The following TMEM132E variants were observed in gnomAD, a reference collection of about 807,000 sequenced individuals.
TMEM132E encodes transmembrane protein 132E.
In TMEM132E, 49 loss-of-function variants were observed where a neutral mutation model predicts 78.5. That is an observed-to-expected ratio of 0.62 (90% CI 0.50 to 0.79). The LOEUF is 0.79. Ranked by LOEUF, TMEM132E falls within the 30% of genes least tolerant of loss-of-function variation. The probability of loss-of-function intolerance (pLI) is 0.00; values close to 1 mark genes in which losing one functional copy is unlikely to be tolerated. For missense variants in TMEM132E, 1,403 were observed against 1,470.9 expected, an observed-to-expected ratio of 0.95 and a Z score of 0.75; for synonymous variants, 715 against 670.6, an observed-to-expected ratio of 1.07 and a Z score of -1.02.
At chr17:34,616,305 A>G (rs79076597) in intron 1 of TMEM132E, among the ~76,000 whole-genome samples, 9,981 of 152,114 alleles carry the variant, frequency 0.066, 926 homozygotes, top group African/African-American at 0.2. Flanking sequence ...CCAGCCAAGC[A>G]TGGGGGTGGG....
In TMEM132E at chr17:34,632,856, T is replaced by A. The variant is rs1907398227; in HGVS notation, c.1635T>A (p.Asp545Glu). The A allele has an allele frequency of 6.2e-7, 1 of 1,614,188 alleles. No individual in the cohort carries two copies. ...PKLPLHIELS[D>E]ARLSQVKGWR... ...TGCCCTTGCACATTGAGCTCTCAGA[T>A]GCCCGCCTCAGCCAAGTGAAGGGCT... Residue 545 changes from aspartate (D) to glutamate (E), a missense_variant, in exon 6 of 9, where the codon GAT (aspartate) becomes GAA (glutamate). Asp to Glu is a conservative substitution (Grantham distance 45, BLOSUM62 2). Around this residue, in one of 3 missense-constraint regions of TMEM132E, gnomAD observed 888 missense variants for 952.8 expected, o/e 0.93. Transcript: ENST00000631683.
Position 34,616,489 on chromosome 17 carries a change from T to A in TMEM132E, c.68-9638T>A, listed in dbSNP as rs529132187. 1.4e-3 allele frequency among the ~76,000 whole-genome samples: 212 copies of A among 152,314 alleles called. 1 individual carries two copies. The highest frequency in any genetic ancestry group is 1.3e-3 in the African/African-American group (55 of 41,568). ...AGTGATTATGTATTCCCCGGCTACATGTCCTTGCTCTGGGGCTCCTGCTGC... is the reference window on the plus strand; with the variant it reads ...AGTGATTATGTATTCCCCGGCTACAAGTCCTTGCTCTGGGGCTCCTGCTGC... On this transcript the variant is annotated intron_variant, in intron 1 of 8. Coordinates refer to ENST00000631683, the MANE Select transcript of TMEM132E (RefSeq NM_001304438.2).
intron 1 of TMEM132E, among the ~76,000 whole-genome samples, chr17:34,619,874 A>G (rs1906902400): frequency 6.6e-6 from 1 of 152,248 alleles, no homozygotes; most frequent in South Asian, 2.1e-4. Flanking sequence ...GTGTGGATGC[A>G]TGTGCATGTG....
chr17:34,619,844 T>A (rs1291119874), intron 1 of TMEM132E, among the ~76,000 whole-genome samples: 1 of 152,204 alleles, frequency 6.6e-6, no homozygotes, highest in East Asian at 1.9e-4. Flanking sequence ...TGCTAACAGA[T>A]CCCTAAACAC....
rs541654271 is a variant in TMEM132E at position 34,584,361 on chromosome 17, C to T, written c.67+3218C>T. On this transcript the variant is annotated intron_variant, in intron 1 of 8. Transcript: ENST00000631683. ...TTCAAATGTCACCTCCTCCAGGGAG[C>T]CTCCGTAGATTACCCCCTAGCTTCT... Among the ~76,000 whole-genome samples the T allele has an allele frequency of 1.6e-4, 25 of 152,360 alleles. No homozygotes were observed. In the South Asian group the frequency reaches 5.2e-3, roughly 32 times the overall value.
intron 1 of TMEM132E, among the ~76,000 whole-genome samples, chr17:34,623,085 A>G (rs968860756): frequency 5.3e-5 from 8 of 152,172 alleles, no homozygotes; most frequent in Non-Finnish European, 1.2e-4. Flanking sequence ...CTGGGGTAGA[A>G]ATATTTTCTC....
At chr17:34,613,446 A>G (rs1274552095) in intron 1 of TMEM132E, among the ~76,000 whole-genome samples, 1 of 131,014 alleles carries the variant, frequency 7.6e-6, no homozygotes, top group Non-Finnish European at 1.6e-5. Context: ...AGGTTTGTTC[A>G]GGTTCCCTCC....
intron 1 of TMEM132E, chr17:34,614,727 C>G (rs1906720090): frequency 6.6e-6 from 1 of 152,454 alleles, no homozygotes; most frequent in Non-Finnish European, 1.5e-5. Flanking sequence ...CTCCAAACTC[C>G]AAGCCCCTCT....
intron 1 of TMEM132E, among the ~76,000 whole-genome samples, chr17:34,585,793 G>A (rs979878521): frequency 6.6e-6 from 1 of 152,226 alleles, no homozygotes; most frequent in Non-Finnish European, 1.5e-5. Flanking sequence ...TGCTATGAAA[G>A]AAATGTGAGG....
intron 1 of TMEM132E, among the ~76,000 whole-genome samples, chr17:34,605,059 G>C (rs1488982971): frequency 6.6e-6 from 1 of 152,182 alleles, no homozygotes; most frequent in Non-Finnish European, 1.5e-5. Context: ...AGAATCACTG[G>C]GTGATCCTGG....
At chr17:34,620,154 C>A (rs1018807335) in intron 1 of TMEM132E, among the ~76,000 whole-genome samples, 2 of 152,158 alleles carry the variant, frequency 1.3e-5, no homozygotes, top group Admixed American at 1.3e-4. Flanking sequence ...TTTATGTGCC[C>A]AATAAGGTAG....
Position 34,580,067 on chromosome 17 carries a change from C to G in TMEM132E, c.-1010C>G, listed in dbSNP as rs935567018. 1 of 152,592 alleles carries G rather than the reference C, an allele frequency of 6.6e-6. No individual in the cohort carries two copies. The highest frequency in any genetic ancestry group is 1.5e-5 in the Non-Finnish European group (1 of 68,356). 9.5% of individuals were successfully genotyped at this position (152,592 alleles called of 1,614,324 possible). A position where few individuals can be genotyped will look rare whatever the true frequency, so the allele number is the denominator to read the frequency against. ...CGAGGAGCGAGGCGGGGCAGCGCGCCTCTCTGCCGAGACAGCGAGACCTTA... is the reference window on the plus strand; with the variant it reads ...CGAGGAGCGAGGCGGGGCAGCGCGCGTCTCTGCCGAGACAGCGAGACCTTA... On this transcript the variant is annotated 5_prime_UTR_variant, in exon 1 of 9. Coordinates refer to ENST00000631683, the MANE Select transcript of TMEM132E (RefSeq NM_001304438.2).
rs376714451 is a variant in TMEM132E, at chr17:34,626,818, G to A, written c.759G>A (p.Gly253=). The A allele has an allele frequency of 2.9e-4, 450 of 1,539,774 alleles. 3 individuals are homozygous for A. In the South Asian group the frequency reaches 5.0e-3, roughly 17 times the overall value. ...GCGGGGGCTCCCGCCGGGGGGCCGG[G>A]CCCGGGGTGGGGGCCCGAGCGGAAA... ...GGCGGSRRGA[G]PGVGARAESP... is the part of the protein sequence containing the mutation. The change falls in exon 2 of 9, where the codon GGG becomes GGA. Residue 253 remains glycine (G), a synonymous_variant. Coordinates refer to ENST00000631683, the MANE Select transcript of TMEM132E (RefSeq NM_001304438.2).
At chr17:34,603,191 ACC>A (rs1906295018) in intron 1 of TMEM132E, among the ~76,000 whole-genome samples, 1 of 151,964 alleles carries the variant, frequency 6.6e-6, no homozygotes, top group African/African-American at 2.4e-5. Flanking sequence ...GGAGACCCTG[ACC>A]TCGTAGCCAT....
In TMEM132E at chr17:34,638,440, G is replaced by T. The variant is rs1012262414; in HGVS notation, c.*208G>T. 8 of 515,492 alleles carry T rather than the reference G, an allele frequency of 1.6e-5. No homozygotes were observed. The highest frequency in any genetic ancestry group is 3.7e-5 in the Admixed American group (1 of 27,068). The allele number at this position is 515,492 out of a possible 1,614,324, so 31.9% of individuals were successfully genotyped here. ...CCATTACCCTCTTCTGCCCCCTGCAGGTGGAGGGCTCTTCCTCCAGTGGCT... is the reference window on the plus strand; with the variant it reads ...CCATTACCCTCTTCTGCCCCCTGCATGTGGAGGGCTCTTCCTCCAGTGGCT... On this transcript the variant is annotated 3_prime_UTR_variant, in exon 9 of 9. Transcript: ENST00000631683.
Position 34,632,799 on chromosome 17 carries a change from T to G in TMEM132E, c.1578T>G (p.Ala526=), listed in dbSNP as rs1907393542. The G allele has an allele frequency of 6.2e-7, 1 of 1,613,908 alleles. No homozygotes were observed. The highest frequency in any genetic ancestry group is 1.7e-5 in the Admixed American group (1 of 59,974). The change falls in exon 6 of 9, where the codon GCT becomes GCG. Residue 526 remains alanine (A), a synonymous_variant. Coordinates refer to ENST00000631683, the MANE Select transcript of TMEM132E (RefSeq NM_001304438.2). ...RVTFRYDVLN[A]PLEMTVWVPK... ...CCTTCCGCTACGACGTCCTCAATGC[T>G]CCCCTGGAAATGACAGTCTGGGTCC...
At chr17:34,615,324 A>T (rs998385192) in intron 1 of TMEM132E, among the ~76,000 whole-genome samples, 1 of 150,346 alleles carries the variant, frequency 6.7e-6, no homozygotes, top group African/African-American at 2.5e-5. Context: ...GTAGTTTAGT[A>T]CCCCCCTCCC....
Position 34,629,173 on chromosome 17 carries a change from G to A in TMEM132E, c.1307G>A (p.Arg436Gln), listed in dbSNP as rs550910621. 32 of 1,614,126 alleles carry A rather than the reference G, an allele frequency of 2.0e-5. No individual in the cohort carries two copies. The highest frequency in any genetic ancestry group is 1.1e-4 in the African/African-American group (8 of 75,060). ...GTCACTGAGCTGACGGTCATTCAGC[G>A]GGATGTGCAAGCCATCCTGCCCCTG... ...RAVTELTVIQRDVQAILPLAM... is the reference protein window; with the variant it reads ...RAVTELTVIQQDVQAILPLAM... The change falls in exon 4 of 9, where the codon CGG becomes CAG. Residue 436 changes from arginine to glutamine, a missense_variant. Around this residue, in one of 3 missense-constraint regions of TMEM132E, gnomAD observed 888 missense variants for 952.8 expected, o/e 0.93. Transcript: ENST00000631683.
chr17:34,599,746 G>T (rs1227953951), intron 1 of TMEM132E, among the ~76,000 whole-genome samples: 1 of 152,118 alleles, frequency 6.6e-6, no homozygotes, highest in Non-Finnish European at 1.5e-5. Flanking sequence ...CACAGCCAGG[G>T]ATCCCAGGTG....
Sources: allele counts gnomAD v4.1 joint callset (sites outside exome capture counted in the v4.1 genomes callset), GRCh38; gene constraint gnomAD v4.1.1; regional missense constraint gnomAD v4.1.1; transcripts MANE v1.5; gene names NCBI Gene and HGNC (gene_info 2026-07-23, HGNC 2026-07-21).